ZNF705G: variants seen among roughly 807,000 people sequenced by gnomAD.
ZNF705G encodes the protein putative zinc finger protein 705G.
ZNF705G carries 23 observed loss-of-function variants against 19.6 expected under a neutral mutation model. The observed-to-expected ratio is 1.17, with a 90% CI of 0.84 to 1.66. ZNF705G has a LOEUF of 1.66. Among genes scored for constraint, ZNF705G ranks in the 40% most tolerant of loss-of-function variants. The probability of loss-of-function intolerance (pLI) is 0.00; values close to 1 mark genes in which losing one functional copy is unlikely to be tolerated. For synonymous variants in ZNF705G, 146 were observed against 117.7 expected, an observed-to-expected ratio of 1.24 and a Z score of -1.56; for missense variants, 457 against 354.4, an observed-to-expected ratio of 1.29 and a Z score of -2.32.
In ZNF705G at chr8:7,356,178, A is replaced by G. The variant is rs1464822452; in HGVS notation, c.*1798T>C. On this transcript the variant is annotated 3_prime_UTR_variant, in exon 7 of 7. Transcript: ENST00000400156. ...TCTGTGAGAACTTTCATTTTGCTTC[A>G]GGAAAAGTACATTGAATCAAATATA... is the stretch of plus-strand genomic sequence containing the variant. 74 of 149,622 alleles carry G rather than the reference A, an allele frequency of 4.9e-4. 4 individuals carry two copies. The highest frequency in any genetic ancestry group is 1.5e-3 in the African/African-American group (60 of 38,976). 9.3% of individuals were successfully genotyped at this position (149,622 alleles called of 1,614,324 possible).
rs1302512780 is a variant in ZNF705G at position 7,373,914 on chromosome 8, AC to A, written c.-72+7537del. ...GATTGGCCCAAGGTGGTTACCAGAT[AC>A]CCAAAGTAGATTCAAAAATTTTCTG... On this transcript the variant is annotated intron_variant, in intron 2 of 6. Transcript: ENST00000400156. Among the ~76,000 whole-genome samples, 2 of 90,824 alleles carry A rather than the reference AC, an allele frequency of 2.2e-5. 1 individual carries two copies. Among genetic ancestry groups the A allele is most frequent in the Non-Finnish European group, 4.3e-5 (2 of 46,992 alleles). 59.6% of individuals were successfully genotyped at this position (90,824 alleles called of 152,430 possible).
At chr8:7,359,367 T>C (rs1443744023) in intron 6 of ZNF705G, among the ~76,000 whole-genome samples, 1 of 149,902 alleles carries the variant, frequency 6.7e-6, no homozygotes, top group African/African-American at 2.5e-5. Context: ...CATAATTGTG[T>C]TGATATCAAT....
intron 3 of ZNF705G, among the ~76,000 whole-genome samples, chr8:7,361,464 G>A (rs1331368278): frequency 2.0e-5 from 3 of 149,700 alleles, no homozygotes; most frequent in African/African-American, 7.7e-5. Context: ...ATCACATGAG[G>A]TGTGGCATAA....
At chr8:7,383,253 G>A (rs1807583855) in intron 1 of ZNF705G, among the ~76,000 whole-genome samples, 1 of 147,902 alleles carries the variant, frequency 6.8e-6, no homozygotes, top group Non-Finnish European at 1.5e-5. Flanking sequence ...TCTTAATCAT[G>A]TAGTGCAATG....
At chr8:7,359,744 A>G in intron 5 of ZNF705G, 43 bp from the exon 6 acceptor site, 1 of 1,604,520 alleles carries the variant, frequency 6.2e-7, no homozygotes, top group Non-Finnish European at 8.5e-7. Context: ...GTATTATGGT[A>G]ATAAAATTGT....
chr8:7,358,105 A>G lies in ZNF705G; in HGVS notation c.774T>C (p.Cys258=). The change falls in exon 7 of 7, where the codon TGT becomes TGC. Residue 258 remains cysteine (C), a synonymous_variant. Transcript: ENST00000400156. ...RTHLGKKCYE[C]DKSGKAFSQS... ...GACTAAAGGCTTTCCCACTTTTATC[A>G]CATTCATAACACTTTTTTCCAAGGT... The G allele has an allele frequency of 6.2e-7, 1 of 1,607,746 alleles. No homozygotes were observed. Among genetic ancestry groups the G allele is most frequent in the Non-Finnish European group, 8.5e-7 (1 of 1,179,750 alleles).
intron 2 of ZNF705G, among the ~76,000 whole-genome samples, chr8:7,367,726 T>A (rs1806921896): frequency 6.7e-6 from 1 of 149,638 alleles, no homozygotes; most frequent in African/African-American, 2.6e-5. Flanking sequence ...TCTAAAGCCT[T>A]TTTAAATAAA....
At chr8:7,379,759 T>G (rs1807405867) in intron 2 of ZNF705G, among the ~76,000 whole-genome samples, 1 of 147,230 alleles carries the variant, frequency 6.8e-6, no homozygotes, top group African/African-American at 2.7e-5. Context: ...GCCCTGAGAC[T>G]GCTATAGGGA....
At chr8:7,379,190 T>G (rs1313344282) in intron 2 of ZNF705G, among the ~76,000 whole-genome samples, 1 of 148,346 alleles carries the variant, frequency 6.7e-6, no homozygotes, top group Non-Finnish European at 1.5e-5. Context: ...TTAAGTTATG[T>G]CACATGGACT....
At chr8:7,370,667 G>A (rs1807062731) in intron 2 of ZNF705G, among the ~76,000 whole-genome samples, 1 of 138,804 alleles carries the variant, frequency 7.2e-6, no homozygotes, top group Non-Finnish European at 1.5e-5. Flanking sequence ...ATTCCTCAAA[G>A]ACCTACAACC....
intron 5 of ZNF705G, 94 bp from the exon 6 acceptor site, chr8:7,359,795 A>G (rs1273855426): frequency 6.4e-6 from 10 of 1,570,788 alleles, no homozygotes; most frequent in Non-Finnish European, 8.7e-6. Flanking sequence ...TCAAAAATTG[A>G]CACGTAGATG....
At chr8:7,368,291 T>A (rs1322580976) in intron 2 of ZNF705G, among the ~76,000 whole-genome samples, 1 of 149,464 alleles carries the variant, frequency 6.7e-6, no homozygotes, top group Non-Finnish European at 1.5e-5. Context: ...AGGAAAAATA[T>A]GAACATTAAT....
intron 2 of ZNF705G, among the ~76,000 whole-genome samples, chr8:7,367,478 G>A (rs1429669542): frequency 6.7e-6 from 1 of 149,372 alleles, no homozygotes; most frequent in Non-Finnish European, 1.5e-5. Flanking sequence ...ACGCTCCACC[G>A]GAAAAGGAAA....
intron 2 of ZNF705G, among the ~76,000 whole-genome samples, chr8:7,365,239 C>T (rs566846596): frequency 2.3e-4 from 35 of 149,664 alleles, no homozygotes; most frequent in South Asian, 2.3e-3. Flanking sequence ...TGTTATGGGT[C>T]TAAAATTTTC....
intron 2 of ZNF705G, among the ~76,000 whole-genome samples, chr8:7,367,673 T>C (rs1004166170): frequency 6.7e-6 from 1 of 149,670 alleles, no homozygotes; most frequent in African/African-American, 2.6e-5. Flanking sequence ...CCTTCAGGCA[T>C]CTGCTCGGGT....
intron 2 of ZNF705G, among the ~76,000 whole-genome samples, chr8:7,364,461 C>G (rs1261171950): frequency 6.7e-6 from 1 of 149,588 alleles, no homozygotes; most frequent in African/African-American, 2.6e-5. Context: ...CTGCTGATTA[C>G]AGTTTATTTA....
chr8:7,363,553 G>A (rs1241409409), intron 2 of ZNF705G, among the ~76,000 whole-genome samples: 1 of 149,732 alleles, frequency 6.7e-6, no homozygotes, highest in Non-Finnish European at 1.5e-5. Context: ...GAGTGTGGTG[G>A]CTCACGCCTG....
chr8:7,378,996 C>A (rs9720513), intron 2 of ZNF705G, among the ~76,000 whole-genome samples: 2,454 of 149,634 alleles, frequency 0.016, 22 homozygotes, highest in African/African-American at 0.058. Context: ...TCACAATTTT[C>A]CTCCATTTAG....
rs1806281799 is a variant in ZNF705G at position 7,356,726 on chromosome 8, A to T, written c.*1250T>A. ...AGAATCTCGACCAAGAATCTCACCC[A>T]AGGAGTGCAGGTGCAAATCCATTTG... On this transcript the variant is annotated 3_prime_UTR_variant, in exon 7 of 7. Coordinates refer to ENST00000400156, the MANE Select transcript of ZNF705G (RefSeq NM_001164457.3). 6.7e-6 allele frequency: 1 copy of T among 149,888 alleles called. No homozygotes were observed. Among genetic ancestry groups the T allele is most frequent in the Non-Finnish European group, 1.5e-5 (1 of 68,052 alleles). 9.3% of individuals were successfully genotyped at this position (149,888 alleles called of 1,614,324 possible).
Sources: gnomAD v4.1 joint callset for allele counts (sites outside exome capture counted in the v4.1 genomes callset) on GRCh38, gnomAD v4.1.1 for gene constraint, MANE v1.5 for transcripts, NCBI Gene and HGNC (gene_info 2026-07-23, HGNC 2026-07-21) for gene names.